FAM20C: variants seen among roughly 807,000 people sequenced by gnomAD.
FAM20C encodes the protein extracellular serine/threonine protein kinase FAM20C.
In FAM20C, 40 loss-of-function variants were observed where a neutral mutation model predicts 51.5. That is an observed-to-expected ratio of 0.78 (90% confidence interval 0.60 to 1.01). The LOEUF (loss-of-function observed/expected upper bound fraction) is 1.01, where lower values mean the gene tolerates loss of function less well. Ranked by LOEUF, FAM20C falls within the 50% of genes least tolerant of loss-of-function variation. The pLI, the probability that FAM20C is intolerant of heterozygous loss-of-function variation, is 0.00. For synonymous variants in FAM20C, 406 were observed against 380.6 expected (o/e 1.07, Z -0.78); for missense variants, 861 against 844.7 (o/e 1.02, Z -0.24).
At chr7:211,818 C>T (rs1007510191) in intron 3 of FAM20C, among the ~76,000 whole-genome samples, 7 of 152,212 alleles carry the variant, frequency 4.6e-5, no homozygotes, top group Admixed American at 2.6e-4. Flanking sequence ...GAGGCTGGTC[C>T]GGGACTCCGT....
At position 216,622 on chromosome 7, in the gene FAM20C, AGTGTGTGTGAGTGT is replaced by A. The variant is rs1786979347; in HGVS notation, c.863+7652_863+7665del. 5.8e-5 allele frequency among the ~76,000 whole-genome samples: 3 copies of A among 51,312 alleles called. No individual in the cohort carries two copies. The South Asian group carries it at 1.5e-3, about 26-fold the overall frequency. 33.7% of individuals were successfully genotyped at this position (51,312 alleles called of 152,430 possible). A position where few individuals can be genotyped will look rare whatever the true frequency, so the allele number is the denominator to read the frequency against. Reference sequence around the variant, plus strand: ...GGGAGTTTCTGTGTGTGTGTGTATGAGTGTGTGTGAGTGTGTGTGAGTGTGTGTGAGTGTGTGTG... The same window carrying A: ...GGGAGTTTCTGTGTGTGTGTGTATGAGTGTGAGTGTGTGTGAGTGTGTGTG... On this transcript the variant is annotated intron_variant, in intron 3 of 9. Coordinates refer to ENST00000313766, the MANE Select transcript of FAM20C (RefSeq NM_020223.4).
At chr7:253,863 C>T (rs1027415875) in intron 5 of FAM20C, among the ~76,000 whole-genome samples, 3 of 152,248 alleles carry the variant, frequency 2.0e-5, no homozygotes, top group African/African-American at 4.8e-5. Context: ...CTGTTAACAG[C>T]AGACGAATTT....
intron 3 of FAM20C, among the ~76,000 whole-genome samples, chr7:245,083 CGGCCCGT>C (rs1788096928): frequency 6.6e-6 from 1 of 152,210 alleles, no homozygotes; most frequent in Admixed American, 6.5e-5. Context: ...GCGATGATGT[CGGCCCGT>C]GGCAGGGCCA....
Position 260,180 on chromosome 7 carries a change from G to A in FAM20C, c.*200G>A, listed in dbSNP as rs933637055. 4 of 736,308 alleles carry A rather than the reference G, an allele frequency of 5.4e-6. No homozygotes were observed. In the East Asian group the frequency reaches 8.9e-5, roughly 16 times the overall value. The allele number at this position is 736,308 out of a possible 1,614,324, so 45.6% of individuals were successfully genotyped here. On this transcript the variant is annotated 3_prime_UTR_variant, in exon 10 of 10. Coordinates refer to ENST00000313766, the MANE Select transcript of FAM20C (RefSeq NM_020223.4). ...GTGTTTGACCAGAAAAGCTTGGGAA[G>A]GAAGCGCTGTCTGTGCTCACGGACA...
At chr7:213,202 G>C (rs565279930) in intron 3 of FAM20C, among the ~76,000 whole-genome samples, 21 of 134,654 alleles carry the variant, frequency 1.6e-4, no homozygotes, top group East Asian at 2.2e-4. Flanking sequence ...CTGTGGAGTT[G>C]TGCAGTGTGT....
At chr7:256,087 C>G in intron 6 of FAM20C, 58 bp downstream of exon 6, 1 of 1,517,542 alleles carries the variant, frequency 6.6e-7, no homozygotes, top group African/African-American at 1.4e-5. Context: ...GGAGCTGGGC[C>G]TGGGCGGGCA....
chr7:248,133 C>T (rs1002275389), intron 4 of FAM20C, among the ~76,000 whole-genome samples, 182 bp from the exon 5 acceptor site: 1 of 152,326 alleles, frequency 6.6e-6, no homozygotes, highest in East Asian at 1.9e-4. Flanking sequence ...ACCCCCATCA[C>T]CGTGGGGCCA....
Position 195,582 on chromosome 7 carries a change from T to A in FAM20C, c.634T>A (p.Phe212Ile), listed in dbSNP as rs1198520924. The change falls in exon 2 of 10, where the codon TTC becomes ATC. Residue 212 changes from phenylalanine (F) to isoleucine (I), a missense_variant. Phe to Ile is a conservative substitution (Grantham distance 21). Coordinates refer to ENST00000313766, the MANE Select transcript of FAM20C (RefSeq NM_020223.4). ...GCATGCGGGTGCTGAAGGTGCAGAA[T>A]TCCTCTCCCCCGGGGAGGCGGCCGT... ...WPHAGAEGAE[F>I]LSPGEAAVDS... 8.1e-6 allele frequency: 13 copies of A among 1,595,618 alleles called. No individual in the cohort carries two copies. The highest frequency in any genetic ancestry group is 1.1e-5 in the Non-Finnish European group (13 of 1,170,152).
At chr7:216,688 TGTGTGTGTGTGAGACA>T (rs1425111882) in intron 3 of FAM20C, among the ~76,000 whole-genome samples, 1 of 143,064 alleles carries the variant, frequency 7.0e-6, no homozygotes, top group Non-Finnish European at 1.5e-5. Context: ...TGTGAGAGTG[TGTGTGTGTGTGAGACA>T]GAGTGTGTGT....
At chr7:241,642 A>G (rs1787949670) in intron 3 of FAM20C, among the ~76,000 whole-genome samples, 1 of 149,828 alleles carries the variant, frequency 6.7e-6, no homozygotes, top group Non-Finnish European at 1.5e-5. Context: ...GTGCGAGTGT[A>G]TGGATGCACA....
At chr7:242,137 C>T (rs1787965974) in intron 3 of FAM20C, among the ~76,000 whole-genome samples, 1 of 152,150 alleles carries the variant, frequency 6.6e-6, no homozygotes, top group Admixed American at 6.5e-5. Flanking sequence ...GCTACTGAGA[C>T]GTCCACATCA....
intron 3 of FAM20C, among the ~76,000 whole-genome samples, chr7:232,753 C>T (rs1005552541): frequency 2.6e-5 from 4 of 152,352 alleles, no homozygotes; most frequent in East Asian, 1.9e-4. Context: ...CCTAGCGCCG[C>T]GGCTGACCGG....
intron 5 of FAM20C, among the ~76,000 whole-genome samples, chr7:250,527 T>C (rs2115157106): frequency 6.6e-6 from 1 of 152,270 alleles, no homozygotes; most frequent in Non-Finnish European, 1.5e-5. Flanking sequence ...ACGCATTGGC[T>C]CACAGACAAT....
chr7:207,775 G>T (rs570061195), intron 2 of FAM20C, among the ~76,000 whole-genome samples: 2 of 152,218 alleles, frequency 1.3e-5, no homozygotes, highest in Non-Finnish European at 2.9e-5. Context: ...CATCTCGGGC[G>T]ACCTGGAGGC....
chr7:256,011 A>G lies in FAM20C; in HGVS notation c.1235A>G (p.His412Arg). Residue 412 changes from histidine to arginine, a missense_variant, in exon 6 of 10, where the codon CAC (histidine) becomes CGC (arginine). By Grantham distance (29) the His-to-Arg change is conservative (BLOSUM62 0). This residue lies in a region of FAM20C where 269 missense variants were observed against 283.8 expected (regional missense o/e 0.95). Transcript: ENST00000313766. ...CGGAACCCTTGGCGGCGTTCCTACC[A>G]CAAGCGCAAGAAGGCCGAGTGAGTG... ...TWRNPWRRSY[H>R]KRKKAEWEVD... The G allele has an allele frequency of 6.5e-7, 1 of 1,535,866 alleles. No homozygotes were observed.
Position 256,015 on chromosome 7 carries a change from G to A in FAM20C, c.1239G>A (p.Lys413=), listed in dbSNP as rs1369336111. 6.5e-7 allele frequency: 1 copy of A among 1,535,742 alleles called. No individual in the cohort carries two copies. Among genetic ancestry groups the A allele is most frequent in the Non-Finnish European group, 8.7e-7 (1 of 1,146,732 alleles). The change falls in exon 6 of 10, where the codon AAG becomes AAA. Residue 413 remains lysine (K), a synonymous_variant. Transcript: ENST00000313766. The part of the protein sequence containing the change: ...WRNPWRRSYH[K]RKKAEWEVDP... ...ACCCTTGGCGGCGTTCCTACCACAA[G>A]CGCAAGAAGGCCGAGTGAGTGCGGG...
rs1027567275 is a variant in FAM20C at position 193,924 on chromosome 7, G to T, written c.605+120G>T. On this transcript the variant is annotated intron_variant, in intron 1 of 9. Transcript: ENST00000313766. ...TGGAAGAGGCCGGGCAGGGAGTGTG[G>T]TGCGGGAGGAGGCAGCCGCCTACCT... The T allele has an allele frequency of 2.2e-6, 3 of 1,372,354 alleles. No homozygotes were observed. The African/African-American group carries it at 4.5e-5, about 21-fold the overall frequency. The allele number at this position is 1,372,354 out of a possible 1,614,324, so 85.0% of individuals were successfully genotyped here. A position where few individuals can be genotyped will look rare whatever the true frequency, so the allele number is the denominator to read the frequency against.
intron 2 of FAM20C, chr7:197,415 G>A (rs1785931053): frequency 6.0e-6 from 1 of 167,026 alleles, no homozygotes; most frequent in South Asian, 2.1e-4. Flanking sequence ...GCAGGGAGAG[G>A]AATGAGAGAG....
chr7:212,740 T>C (rs1241886297), intron 3 of FAM20C, among the ~76,000 whole-genome samples: 1 of 152,224 alleles, frequency 6.6e-6, no homozygotes, highest in Non-Finnish European at 1.5e-5. Context: ...ACCCAAGCGC[T>C]CCTGGGTGCT....
Sources: allele counts gnomAD v4.1 joint callset (sites outside exome capture counted in the v4.1 genomes callset), GRCh38; gene constraint gnomAD v4.1.1; regional missense constraint gnomAD v4.1.1; transcripts MANE v1.5; gene names NCBI Gene and HGNC (gene_info 2026-07-23, HGNC 2026-07-21).